Variants in AUTS2 observed in about 807,000 individuals in gnomAD.
AUTS2 encodes the protein activator of transcription and developmental regulator AUTS2.
AUTS2 carries 17 observed loss-of-function variants against 112.4 expected under a neutral mutation model. The ratio of observed to expected loss-of-function variants is 0.15; its 90% CI spans 0.10 to 0.23. The LOEUF is 0.23. Ranked by LOEUF, AUTS2 falls within the 10% of genes least tolerant of loss-of-function variation. The pLI is 1.00. For missense variants in AUTS2, 1,510 were observed against 1,701.6 expected (o/e 0.89, Z 1.98); for synonymous variants, 751 against 702.7 (o/e 1.07, Z -1.09).
At chr7:70,149,954 C>A (rs1807338522) in intron 4 of AUTS2, among the ~76,000 whole-genome samples, 1 of 151,620 alleles carries the variant, frequency 6.6e-6, no homozygotes, top group South Asian at 2.1e-4. Context: ...GCCAGGAAAC[C>A]AGTATATTTT....
chr7:70,204,973 A>G (rs545791703), intron 4 of AUTS2, among the ~76,000 whole-genome samples: 2 of 152,262 alleles, frequency 1.3e-5, no homozygotes, highest in Non-Finnish European at 2.9e-5. Context: ...GAGTTTGGTG[A>G]CTGTGTCCAT....
chr7:69,975,789 G>T (rs757625680), intron 2 of AUTS2, among the ~76,000 whole-genome samples: 2 of 151,876 alleles, frequency 1.3e-5, no homozygotes, highest in Non-Finnish European at 2.9e-5. Flanking sequence ...CTGGGTTCAA[G>T]CAATTCTCGG....
At chr7:69,896,759 C>A (rs1472701442) in intron 1 of AUTS2, among the ~76,000 whole-genome samples, 1 of 152,156 alleles carries the variant, frequency 6.6e-6, no homozygotes, top group Non-Finnish European at 1.5e-5. Flanking sequence ...CTGAGATGAA[C>A]TACTTAGTCC....
At chr7:70,146,022 G>C (rs1159598456) in intron 4 of AUTS2, among the ~76,000 whole-genome samples, 1 of 152,034 alleles carries the variant, frequency 6.6e-6, no homozygotes, top group African/African-American at 2.4e-5. Context: ...ATCTCAGAAT[G>C]TTATTAAACA....
At chr7:70,022,277 G>T (rs1342495071) in intron 2 of AUTS2, among the ~76,000 whole-genome samples, 1 of 151,306 alleles carries the variant, frequency 6.6e-6, no homozygotes, top group Non-Finnish European at 1.5e-5. Flanking sequence ...GTTGTTTATT[G>T]TCACAGAGGC....
chr7:70,575,052 C>T (rs918036354), intron 5 of AUTS2, among the ~76,000 whole-genome samples: 6 of 152,180 alleles, frequency 3.9e-5, no homozygotes, highest in African/African-American at 1.2e-4. Context: ...TCGTTCCGCT[C>T]GGTTGCATAA....
chr7:69,829,212 C>T (rs975582707), intron 1 of AUTS2, among the ~76,000 whole-genome samples: 5 of 152,094 alleles, frequency 3.3e-5, no homozygotes, highest in African/African-American at 9.7e-5. Flanking sequence ...AAACTGAACC[C>T]TTTCCTTACA....
intron 5 of AUTS2, among the ~76,000 whole-genome samples, chr7:70,589,546 T>C (rs540942482): frequency 1.3e-5 from 2 of 152,254 alleles, no homozygotes; most frequent in African/African-American, 4.8e-5. Flanking sequence ...AAACCCCATC[T>C]CTACTAAATA....
At chr7:70,500,885 G>A (rs963168917) in intron 5 of AUTS2, among the ~76,000 whole-genome samples, 1 of 151,986 alleles carries the variant, frequency 6.6e-6, no homozygotes, top group Non-Finnish European at 1.5e-5. Flanking sequence ...ACCACGCCCA[G>A]TTGATTTTTG....
chr7:70,058,377 C>T lies in AUTS2; in HGVS notation c.523-59755C>T, dbSNP rs1802087405. Among the ~76,000 whole-genome samples the T allele has an allele frequency of 2.0e-5, 3 of 152,034 alleles. No individual in the cohort carries two copies. In the South Asian group the frequency reaches 6.2e-4, roughly 32 times the overall value. On this transcript the variant is annotated intron_variant, in intron 2 of 18. Transcript: ENST00000342771. ...ATTGAGGCCTCATAAAAAATAGTAA[C>T]TTGATTCTAAGGTAAATTTCCCTGG...
chr7:70,557,848 A>G (rs1002997959), intron 5 of AUTS2, among the ~76,000 whole-genome samples: 8 of 152,166 alleles, frequency 5.3e-5, no homozygotes, highest in Non-Finnish European at 8.8e-5. Context: ...TCCAGGCCCT[A>G]CTTCCAGCAG....
intron 5 of AUTS2, among the ~76,000 whole-genome samples, chr7:70,440,522 C>T (rs771476387): frequency 5.3e-5 from 8 of 152,066 alleles, no homozygotes; most frequent in African/African-American, 1.7e-4. Flanking sequence ...TGAGAGAGGA[C>T]GCTTGAAAAA....
intron 2 of AUTS2, among the ~76,000 whole-genome samples, chr7:70,059,789 A>G (rs1236464345): frequency 2.6e-5 from 4 of 152,218 alleles, no homozygotes; most frequent in African/African-American, 7.2e-5. Context: ...GTGAGGCCAT[A>G]GGAACCCATG....
intron 2 of AUTS2, among the ~76,000 whole-genome samples, chr7:70,011,365 C>T (rs1199495787): frequency 6.8e-6 from 1 of 146,470 alleles, no homozygotes; most frequent in Non-Finnish European, 1.5e-5. Flanking sequence ...CTCTCCTCTC[C>T]CTCATTTTTC....
intron 2 of AUTS2, among the ~76,000 whole-genome samples, chr7:69,971,980 G>T (rs575412221): frequency 6.6e-6 from 1 of 152,120 alleles, no homozygotes; most frequent in African/African-American, 2.4e-5. Flanking sequence ...TAGTATTTGC[G>T]TGGTTAATTT....
chr7:70,095,369 G>A (rs972039814), intron 2 of AUTS2, among the ~76,000 whole-genome samples: 11 of 152,128 alleles, frequency 7.2e-5, no homozygotes, highest in Admixed American at 1.3e-4. Flanking sequence ...TTACAACTAC[G>A]TGTACTACTT....
At chr7:70,709,150 C>T (rs1199422768) in intron 6 of AUTS2, among the ~76,000 whole-genome samples, 1 of 151,754 alleles carries the variant, frequency 6.6e-6, no homozygotes, top group Admixed American at 6.6e-5. Context: ...AACTCCTGAC[C>T]TCGTGATCCG....
chr7:70,205,378 A>G (rs1317007595), intron 4 of AUTS2, among the ~76,000 whole-genome samples: 1 of 152,178 alleles, frequency 6.6e-6, no homozygotes, highest in Non-Finnish European at 1.5e-5. Flanking sequence ...ACAACTTATG[A>G]AACTGAGGTC....
At chr7:70,403,714 C>A (rs1050590028) in intron 4 of AUTS2, among the ~76,000 whole-genome samples, 18 of 152,164 alleles carry the variant, frequency 1.2e-4, no homozygotes, top group Non-Finnish European at 2.1e-4. Context: ...CTGAGCAGAG[C>A]CGCAAAAGAA....
Sources: gnomAD v4.1 joint callset for allele counts (sites outside exome capture counted in the v4.1 genomes callset) on GRCh38, gnomAD v4.1.1 for gene constraint, MANE v1.5 for transcripts, NCBI Gene and HGNC (gene_info 2026-07-23, HGNC 2026-07-21) for gene names.